SLC14A2: variants seen among roughly 807,000 people sequenced by gnomAD.
SLC14A2 encodes solute carrier family 14 member 2.
SLC14A2 carries 91 observed loss-of-function variants against 104.6 expected under a neutral mutation model. That is an observed-to-expected ratio of 0.87 (90% CI 0.73 to 1.04). SLC14A2 has a LOEUF of 1.04. Ranked by LOEUF, SLC14A2 falls within the 50% of genes least tolerant of loss-of-function variation. The pLI, the probability that SLC14A2 is intolerant of heterozygous loss-of-function variation, is 0.00. For missense variants in SLC14A2, 1,189 were observed against 1,156.0 expected, an observed-to-expected ratio of 1.03 and a Z score of -0.41; for synonymous variants, 476 against 466.4, an observed-to-expected ratio of 1.02 and a Z score of -0.27.
intron 4 of SLC14A2, among the ~76,000 whole-genome samples, chr18:45,630,657 A>G (rs139220726): frequency 9.5e-4 from 145 of 152,346 alleles, no homozygotes; most frequent in African/African-American, 3.3e-3. Flanking sequence ...ACTAATTTAT[A>G]TCACCAAACA....
At chr18:45,615,196 A>G (rs1210377056), upstream of SLC14A2, 1 of 152,232 alleles carries the variant, frequency 6.6e-6, no homozygotes, top group Non-Finnish European at 1.5e-5. Context: ...GAATAAGTTA[A>G]GACTTTGGGG....
intron 1 of SLC14A2, among the ~76,000 whole-genome samples, chr18:45,218,388 C>G (rs752215286): frequency 6.6e-6 from 1 of 152,088 alleles, no homozygotes; most frequent in Non-Finnish European, 1.5e-5. Flanking sequence ...ATGCATAGGC[C>G]ACATTTTGTT....
chr18:45,382,547 C>A (rs746934593), intron 1 of SLC14A2, among the ~76,000 whole-genome samples: 6 of 152,186 alleles, frequency 3.9e-5, no homozygotes, highest in Non-Finnish European at 7.3e-5. Context: ...TTCTCCACCC[C>A]ACTTTTGTTA....
chr18:45,659,436 G>A (rs1363263310), intron 10 of SLC14A2, among the ~76,000 whole-genome samples: 4 of 152,188 alleles, frequency 2.6e-5, no homozygotes, highest in Admixed American at 2.6e-4. Flanking sequence ...AGACGGAATG[G>A]ACTTATGTAA....
At chr18:45,262,995 CTG>C (rs1394062093) in intron 1 of SLC14A2, among the ~76,000 whole-genome samples, 4 of 152,202 alleles carry the variant, frequency 2.6e-5, no homozygotes, top group Non-Finnish European at 1.5e-5. Flanking sequence ...AATATCAAAA[CTG>C]AGAGATTAAT....
At chr18:45,608,842 G>C (rs141022670) in intron 2 of SLC14A2, among the ~76,000 whole-genome samples, 1 of 152,184 alleles carries the variant, frequency 6.6e-6, no homozygotes, top group Admixed American at 6.5e-5. Flanking sequence ...CTGGTTAGGC[G>C]TGAGGGGGGC....
intron 1 of SLC14A2, among the ~76,000 whole-genome samples, chr18:45,475,410 A>T (rs1464078096): frequency 6.6e-6 from 1 of 151,592 alleles, no homozygotes; most frequent in African/African-American, 2.4e-5. Context: ...CAAGTCCTGA[A>T]TATCCTTGTT....
At chr18:45,335,036 C>A (rs537411559) in intron 1 of SLC14A2, among the ~76,000 whole-genome samples, 1 of 152,292 alleles carries the variant, frequency 6.6e-6, no homozygotes, top group Non-Finnish European at 1.5e-5. Context: ...TACAGAAGTA[C>A]AATTAATATA....
chr18:45,672,941 C>A lies in SLC14A2; in HGVS notation c.2271C>A (p.Gly757=). The A allele has an allele frequency of 6.2e-7, 1 of 1,614,114 alleles. No individual in the cohort carries two copies. The highest frequency in any genetic ancestry group is 8.5e-7 in the Non-Finnish European group (1 of 1,179,980). The part of the protein sequence containing the change: ...AIPVGIGQVY[G]CDNPWTGGIF... ...CCGTTGGAATTGGCCAAGTGTACGGCTGTGATAACCCCTGGACTGGAGGCA... is the reference window on the plus strand; with the variant it reads ...CCGTTGGAATTGGCCAAGTGTACGGATGTGATAACCCCTGGACTGGAGGCA... The change falls in exon 17 of 20, where the codon GGC becomes GGA. Residue 757 remains glycine (G), a synonymous_variant. Coordinates refer to ENST00000255226, the MANE Select transcript of SLC14A2 (RefSeq NM_007163.4).
intron 1 of SLC14A2, among the ~76,000 whole-genome samples, chr18:45,448,625 T>C (rs2086808991): frequency 6.6e-6 from 1 of 152,164 alleles, no homozygotes; most frequent in Non-Finnish European, 1.5e-5. Context: ...CGCAGACTCT[T>C]CCCCAAAAAA....
At chr18:45,565,628 G>T (rs564220077) in intron 2 of SLC14A2, among the ~76,000 whole-genome samples, 2 of 152,278 alleles carry the variant, frequency 1.3e-5, no homozygotes, top group East Asian at 3.9e-4. Flanking sequence ...ACATCTGGTC[G>T]GTGGCAGAAC....
chr18:45,468,586 T>C (rs2087187157), intron 1 of SLC14A2, among the ~76,000 whole-genome samples: 1 of 152,052 alleles, frequency 6.6e-6, no homozygotes, highest in Non-Finnish European at 1.5e-5. Flanking sequence ...CACCGTATCA[T>C]GTGAAGGCCC....
chr18:45,168,508 A>G, the SLC14A2 span: 7 of 152,224 alleles, frequency 4.6e-5, no homozygotes, highest in Admixed American at 4.6e-4. Context: ...TTCAACCACA[A>G]AAAAGAGTGA....
chr18:45,604,478 G>A (rs1010011195), intron 2 of SLC14A2, among the ~76,000 whole-genome samples: 10 of 152,134 alleles, frequency 6.6e-5, no homozygotes, highest in African/African-American at 2.2e-4. Context: ...TGAAAATATA[G>A]CGCAGAGAAA....
chr18:45,343,559 C>T (rs1056741701), intron 1 of SLC14A2, among the ~76,000 whole-genome samples: 1 of 152,148 alleles, frequency 6.6e-6, no homozygotes, highest in South Asian at 2.1e-4. Flanking sequence ...ACTATCTTCC[C>T]TTTTTATCTC....
At chr18:45,253,723 A>T (rs949263208) in intron 1 of SLC14A2, among the ~76,000 whole-genome samples, 1 of 152,228 alleles carries the variant, frequency 6.6e-6, no homozygotes, top group Admixed American at 6.5e-5. Flanking sequence ...CTCTGGCTCC[A>T]AGTCTTATCT....
At chr18:45,464,921 T>C (rs2087112859) in intron 1 of SLC14A2, among the ~76,000 whole-genome samples, 2 of 152,022 alleles carry the variant, frequency 1.3e-5, no homozygotes, top group African/African-American at 4.8e-5. Context: ...GACAGATAGA[T>C]TGTCCCCTTC....
At chr18:45,507,902 A>G (rs1343749815) in intron 2 of SLC14A2, among the ~76,000 whole-genome samples, 1 of 152,244 alleles carries the variant, frequency 6.6e-6, no homozygotes, top group Non-Finnish European at 1.5e-5. Flanking sequence ...AAAAGGTAAG[A>G]AGAACCAACT....
intron 1 of SLC14A2, among the ~76,000 whole-genome samples, chr18:45,262,641 C>T (rs905026260): frequency 6.6e-6 from 1 of 152,138 alleles, no homozygotes; most frequent in African/African-American, 2.4e-5. Flanking sequence ...AAAATAAGAT[C>T]CCCTTCCTGG....
Sources: allele counts gnomAD v4.1 joint callset (sites outside exome capture counted in the v4.1 genomes callset), GRCh38; gene constraint gnomAD v4.1.1; transcripts MANE v1.5; gene names NCBI Gene and HGNC (gene_info 2026-07-23, HGNC 2026-07-21).